Variants in HPSE2 observed in about 807,000 individuals in gnomAD.
The protein encoded by HPSE2 is inactive heparanase-2.
In HPSE2, 38 loss-of-function variants were observed where a neutral mutation model predicts 60.5. The ratio of observed to expected loss-of-function variants is 0.63; its 90% CI spans 0.48 to 0.82. The LOEUF (loss-of-function observed/expected upper bound fraction) is 0.82, where lower values mean the gene tolerates loss of function less well. Among genes scored for constraint, HPSE2 ranks in the 40% least tolerant of loss-of-function variants. The pLI, the probability that HPSE2 is intolerant of heterozygous loss-of-function variation, is 0.00. For missense variants in HPSE2, 713 were observed against 740.4 expected (o/e 0.96, Z 0.43); for synonymous variants, 295 against 293.2 (o/e 1.01, Z -0.06).
upstream of HPSE2, among the ~76,000 whole-genome samples, chr10:99,237,256 C>G (rs1849881990): frequency 6.6e-6 from 1 of 152,138 alleles, no homozygotes; most frequent in Non-Finnish European, 1.5e-5. Flanking sequence ...GTAGTGCGGG[C>G]AGTCAGAAAC....
chr10:99,223,281 G>C (rs1005704513), intron 2 of HPSE2, among the ~76,000 whole-genome samples: 1 of 152,064 alleles, frequency 6.6e-6, no homozygotes, highest in Admixed American at 6.6e-5. Context: ...CATGTATACT[G>C]CTTAAAACAG....
chr10:98,732,103 C>T (rs1048423473), intron 4 of HPSE2, among the ~76,000 whole-genome samples: 4 of 152,034 alleles, frequency 2.6e-5, no homozygotes, highest in African/African-American at 9.7e-5. Flanking sequence ...AACTTATACA[C>T]TGAAAACTAC....
intron 3 of HPSE2, among the ~76,000 whole-genome samples, chr10:99,032,030 T>A (rs573860671): frequency 6.6e-6 from 1 of 152,334 alleles, no homozygotes; most frequent in East Asian, 1.9e-4. Context: ...TTAGTTTGAA[T>A]GTCTACATCA....
At chr10:99,016,264 T>A (rs905221400) in intron 3 of HPSE2, among the ~76,000 whole-genome samples, 4 of 152,222 alleles carry the variant, frequency 2.6e-5, no homozygotes, top group African/African-American at 9.7e-5. Flanking sequence ...TAGTCATTTA[T>A]CCCAGCACCA....
chr10:98,856,893 T>A (rs893002507), intron 3 of HPSE2, among the ~76,000 whole-genome samples: 1 of 152,210 alleles, frequency 6.6e-6, no homozygotes, highest in Non-Finnish European at 1.5e-5. Flanking sequence ...ATCCCTGTTG[T>A]TCAAGACAGC....
chr10:98,558,836 T>A (rs538726207), intron 9 of HPSE2, among the ~76,000 whole-genome samples: 1 of 152,328 alleles, frequency 6.6e-6, no homozygotes, highest in Admixed American at 6.5e-5. Context: ...AAATACATAT[T>A]TCTGGCTTCT....
intron 3 of HPSE2, among the ~76,000 whole-genome samples, chr10:99,121,707 T>C (rs975128036): frequency 6.6e-6 from 1 of 152,186 alleles, no homozygotes; most frequent in Non-Finnish European, 1.5e-5. Context: ...TGTGTAGTGT[T>C]GGGATAAGTA....
intron 2 of HPSE2, among the ~76,000 whole-genome samples, chr10:99,145,555 C>A (rs1846023956): frequency 6.6e-6 from 1 of 151,850 alleles, no homozygotes; most frequent in Non-Finnish European, 1.5e-5. Context: ...AAATATAATT[C>A]AACTGATTCT....
At chr10:98,933,636 C>T (rs1402005212) in intron 3 of HPSE2, among the ~76,000 whole-genome samples, 1 of 143,654 alleles carries the variant, frequency 7.0e-6, no homozygotes, top group African/African-American at 2.8e-5. Flanking sequence ...TCTGGGGGCT[C>T]CTGTATTGGG....
chr10:98,743,649 T>C (rs1036812404), intron 4 of HPSE2, among the ~76,000 whole-genome samples: 17 of 152,168 alleles, frequency 1.1e-4, no homozygotes, highest in African/African-American at 3.8e-4. Flanking sequence ...ATTTTCCCCA[T>C]ATTTGGAATG....
At chr10:99,230,690 A>G (rs1849615420) in intron 2 of HPSE2, among the ~76,000 whole-genome samples, 1 of 152,188 alleles carries the variant, frequency 6.6e-6, no homozygotes, top group Non-Finnish European at 1.5e-5. Flanking sequence ...TCCTAGGTAC[A>G]AAGTTGGGAG....
chr10:98,635,687 C>G (rs1025767097), intron 7 of HPSE2, among the ~76,000 whole-genome samples: 1 of 150,104 alleles, frequency 6.7e-6, no homozygotes, highest in Non-Finnish European at 1.5e-5. Flanking sequence ...GAGGCTGAAG[C>G]AGGAGGAGCG....
intron 3 of HPSE2, among the ~76,000 whole-genome samples, chr10:99,015,917 G>A (rs1237612746): frequency 2.0e-5 from 3 of 151,950 alleles, no homozygotes; most frequent in Non-Finnish European, 4.4e-5. Context: ...ATTTGCTTAA[G>A]TTCCTTGTAG....
At chr10:98,797,727 C>G (rs1950810042) in intron 3 of HPSE2, among the ~76,000 whole-genome samples, 1 of 151,928 alleles carries the variant, frequency 6.6e-6, no homozygotes, top group Non-Finnish European at 1.5e-5. Flanking sequence ...GTCTGTAGTC[C>G]CAGCTACTCG....
chr10:99,298,560 C>G, the HPSE2 span, among the ~76,000 whole-genome samples: 1,172 of 152,180 alleles, frequency 7.7e-3, 12 homozygotes, highest in Middle Eastern at 0.027. Flanking sequence ...TAAAAATTAG[C>G]AAATCAACAA....
In HPSE2 at chr10:98,724,326, GA is replaced by G. The variant is rs1467540390; in HGVS notation, c.785-2499del. Among the ~76,000 whole-genome samples, 8 of 152,278 alleles carry G rather than the reference GA, an allele frequency of 5.3e-5. No individual in the cohort carries two copies. The East Asian group carries it at 1.5e-3, about 29-fold the overall frequency. On this transcript the variant is annotated intron_variant, in intron 4 of 11. Coordinates refer to ENST00000370552, the MANE Select transcript of HPSE2 (RefSeq NM_021828.5). Reference sequence around the variant, plus strand: ...CTAGTTTGATTGCACTGTGGTCTGAGAGACAGTTTGTTATAATTTCTGTTCT... The same window carrying G: ...CTAGTTTGATTGCACTGTGGTCTGAGGACAGTTTGTTATAATTTCTGTTCT...
intron 3 of HPSE2, among the ~76,000 whole-genome samples, chr10:98,812,048 A>G (rs1951180670): frequency 6.6e-6 from 1 of 152,116 alleles, no homozygotes; most frequent in African/African-American, 2.4e-5. Flanking sequence ...AGTTCCAGCG[A>G]CATTTTTGTA....
intron 3 of HPSE2, among the ~76,000 whole-genome samples, chr10:99,068,191 G>C (rs1842674506): frequency 6.6e-6 from 1 of 152,132 alleles, no homozygotes; most frequent in Non-Finnish European, 1.5e-5. Context: ...TGTCTTCTGA[G>C]TACTCTAAAC....
rs753235013 is a variant in HPSE2 at position 99,235,789 on chromosome 10, C to G, written c.14G>C (p.Cys5Ser). 6 of 1,613,448 alleles carry G rather than the reference C, an allele frequency of 3.7e-6. No homozygotes were observed. In the South Asian group the frequency reaches 6.6e-5, roughly 18 times the overall value. The change falls in exon 1 of 12, where the codon TGT becomes TCT. Residue 5 changes from cysteine to serine, a missense_variant. Physicochemically the swap from Cys to Ser is moderately radical, Grantham distance 112 (BLOSUM62 -1). Coordinates refer to ENST00000370552, the MANE Select transcript of HPSE2 (RefSeq NM_021828.5). MRVLCAFPEAMPSSN... is the reference protein window; with the variant it reads MRVLSAFPEAMPSSN... ...GGAGGGCATGGCTTCAGGGAAGGCA[C>G]AAAGCACCCTCATTCAATCCCTCTG...
Sources: allele counts gnomAD v4.1 joint callset (sites outside exome capture counted in the v4.1 genomes callset), GRCh38; gene constraint gnomAD v4.1.1; transcripts MANE v1.5; gene names NCBI Gene and HGNC (gene_info 2026-07-23, HGNC 2026-07-21).